BAG2: variants seen among roughly 807,000 people sequenced by gnomAD.
The protein encoded by BAG2 is BAG cochaperone 2.
Under a neutral mutation model 16.4 loss-of-function variants are expected in BAG2, and 8 were observed. The observed-to-expected ratio is 0.49, with a 90% CI of 0.29 to 0.88. The LOEUF (loss-of-function observed/expected upper bound fraction) is 0.88. Among genes scored for constraint, BAG2 ranks in the 40% least tolerant of loss-of-function variants. The pLI, the probability that BAG2 is intolerant of heterozygous loss-of-function variation, is 0.09. For synonymous variants in BAG2, 82 were observed against 89.2 expected (o/e 0.92, Z 0.46); for missense variants, 218 against 248.9 (o/e 0.88, Z 0.84).
chr6:57,180,910 C>G (rs1302457859), intron 1 of BAG2, among the ~76,000 whole-genome samples: 2 of 152,010 alleles, frequency 1.3e-5, no homozygotes, highest in Admixed American at 1.3e-4. Flanking sequence ...TACAAATCAA[C>G]AAGGGAACAG....
intron 1 of BAG2, among the ~76,000 whole-genome samples, chr6:57,179,454 G>T (rs946658510): frequency 6.6e-6 from 1 of 152,138 alleles, no homozygotes; most frequent in African/African-American, 2.4e-5. Context: ...GTGGGTAACC[G>T]AAGGGGAAAA....
In BAG2 at chr6:57,188,362, T is replaced by A. The variant is rs1280454794; in HGVS notation, c.*4172T>A. The A allele has an allele frequency of 6.6e-6, 1 of 152,066 alleles. No homozygotes were observed. The highest frequency in any genetic ancestry group is 1.5e-5 in the Non-Finnish European group (1 of 67,970). The allele number at this position is 152,066 out of a possible 1,614,324, so 9.4% of individuals were successfully genotyped here. ...CAAAGCTCTCTCTTCAGTTCTTATT[T>A]AAAAAAAGATAAAACTAGGTACATA... On this transcript the variant is annotated 3_prime_UTR_variant, in exon 3 of 3. Coordinates refer to ENST00000370693, the MANE Select transcript of BAG2 (RefSeq NM_004282.4).
Position 57,172,583 on chromosome 6 carries a change from A to C in BAG2, c.-115A>C. 7 of 814,916 alleles carry C rather than the reference A, an allele frequency of 8.6e-6. No homozygotes were observed. The highest frequency in any genetic ancestry group is 1.2e-5 in the Non-Finnish European group (7 of 574,304). The allele number at this position is 814,916 out of a possible 1,614,324, so 50.5% of individuals were successfully genotyped here. On this transcript the variant is annotated 5_prime_UTR_variant, in exon 1 of 3. Coordinates refer to ENST00000370693, the MANE Select transcript of BAG2 (RefSeq NM_004282.4). ...CTCCCGGGTTGCCCCCGCGGGCGTC[A>C]GAGGGAGGGCGGGCGCCCGCGTGGT...
intron 2 of BAG2, among the ~76,000 whole-genome samples, chr6:57,182,530 C>CAAAAAAAA (rs758049333): frequency 2.4e-5 from 1 of 41,602 alleles, no homozygotes; most frequent in Admixed American, 2.6e-4. Context: ...AAGTAGAGAC[C>CAAAAAAAA]AAAAAAAAAA....
At position 57,174,229 on chromosome 6, in the gene BAG2, C is replaced by G. The variant is rs944291690; in HGVS notation, c.113+1419C>G. ...GAGCCACATAACAAGTAACACACAT[C>G]TCTCCATGTCTTCAGAACGTTGAGG... On this transcript the variant is annotated intron_variant, in intron 1 of 2. Transcript: ENST00000370693. The G allele has an allele frequency of 5.1e-5, 59 of 1,164,992 alleles. No individual in the cohort carries two copies. The African/African-American group carries it at 7.9e-4, about 16-fold the overall frequency. The allele number at this position is 1,164,992 out of a possible 1,614,324, so 72.2% of individuals were successfully genotyped here.
intron 1 of BAG2, chr6:57,173,494 T>G: frequency 4.1e-6 from 4 of 984,996 alleles, no homozygotes; most frequent in Non-Finnish European, 4.8e-6. Flanking sequence ...CATAGAAGAC[T>G]AAGTGCTAGT....
chr6:57,174,135 A>G, intron 1 of BAG2: 1 of 980,074 alleles, frequency 1.0e-6, no homozygotes. Flanking sequence ...CAGAAAAAGT[A>G]GAGCGAAAGT....
intron 1 of BAG2, among the ~76,000 whole-genome samples, chr6:57,177,420 AAAAC>A (rs1416187013): frequency 6.6e-6 from 1 of 152,178 alleles, no homozygotes; most frequent in African/African-American, 2.4e-5. Flanking sequence ...CATCTCAAAA[AAAAC>A]AAACCTGTTT....
rs554673220 is a variant in BAG2, at chr6:57,189,142, T to C, written c.*4952T>C. ...AATTATCTTAGCTGGAAAGCTACTGTCCCAAGTGACAAAATTTATGTCCTG... is the reference window on the plus strand; with the variant it reads ...AATTATCTTAGCTGGAAAGCTACTGCCCCAAGTGACAAAATTTATGTCCTG... On this transcript the variant is annotated 3_prime_UTR_variant, in exon 3 of 3. Coordinates refer to ENST00000370693, the MANE Select transcript of BAG2 (RefSeq NM_004282.4). The C allele has an allele frequency of 5.3e-5, 8 of 152,308 alleles. No homozygotes were observed. In the East Asian group the frequency reaches 1.5e-3, roughly 29 times the overall value. The allele number at this position is 152,308 out of a possible 1,614,324, so 9.4% of individuals were successfully genotyped here. A position where few individuals can be genotyped will look rare whatever the true frequency, so the allele number is the denominator to read the frequency against.
At chr6:57,176,433 T>C (rs927486268) in intron 1 of BAG2, among the ~76,000 whole-genome samples, 2 of 152,198 alleles carry the variant, frequency 1.3e-5, no homozygotes, top group African/African-American at 4.8e-5. Flanking sequence ...TCAATCTAAA[T>C]TGGCCTTTAA....
At chr6:57,175,436 T>G (rs1341639160) in intron 1 of BAG2, among the ~76,000 whole-genome samples, 2 of 152,050 alleles carry the variant, frequency 1.3e-5, no homozygotes, top group Non-Finnish European at 2.9e-5. Context: ...CTCTCTGACC[T>G]TCTTTCACCT....
Position 57,172,356 on chromosome 6 carries a change from G to T in BAG2, c.-342G>T, listed in dbSNP as rs983674474. The T allele has an allele frequency of 5.9e-6, 1 of 168,736 alleles. No individual in the cohort carries two copies. Among genetic ancestry groups the T allele is most frequent in the Admixed American group, 6.4e-5 (1 of 15,684 alleles). The allele number at this position is 168,736 out of a possible 1,614,324, so 10.5% of individuals were successfully genotyped here. A position where few individuals can be genotyped will look rare whatever the true frequency, so the allele number is the denominator to read the frequency against. ...ATCCGCTAGCCACATTAGGCGCTCGGTCTCTGCGTCCGCCCCTCCCGTGCC... is the reference window on the plus strand; with the variant it reads ...ATCCGCTAGCCACATTAGGCGCTCGTTCTCTGCGTCCGCCCCTCCCGTGCC... On this transcript the variant is annotated 5_prime_UTR_variant, in exon 1 of 3. Coordinates refer to ENST00000370693, the MANE Select transcript of BAG2 (RefSeq NM_004282.4).
chr6:57,184,241 A>G lies in BAG2; in HGVS notation c.*51A>G. ...AATACACAAGGTGTAAAAATGATAAAATACTATTTTAATTGATAACTAGTT... is the reference window on the plus strand; with the variant it reads ...AATACACAAGGTGTAAAAATGATAAGATACTATTTTAATTGATAACTAGTT... On this transcript the variant is annotated 3_prime_UTR_variant, in exon 3 of 3. Coordinates refer to ENST00000370693, the MANE Select transcript of BAG2 (RefSeq NM_004282.4). The G allele has an allele frequency of 1.4e-6, 2 of 1,413,292 alleles. No individual in the cohort carries two copies. Among genetic ancestry groups the G allele is most frequent in the Non-Finnish European group, 1.9e-6 (2 of 1,080,614 alleles). 87.5% of individuals were successfully genotyped at this position (1,413,292 alleles called of 1,614,324 possible).
chr6:57,187,289 TCATC>T lies in BAG2; in HGVS notation c.*3102_*3105del, dbSNP rs1179984936. 2.0e-5 allele frequency: 3 copies of T among 152,206 alleles called. No individual in the cohort carries two copies. Among genetic ancestry groups the T allele is most frequent in the Non-Finnish European group, 4.4e-5 (3 of 68,028 alleles). The allele number at this position is 152,206 out of a possible 1,614,324, so 9.4% of individuals were successfully genotyped here. ...AATAATAAAGATTATTATAGCCAAA[TCATC>T]CAGTTAGCCAGGAGTTTGATGACTG... On this transcript the variant is annotated 3_prime_UTR_variant, in exon 3 of 3. Transcript: ENST00000370693.
In BAG2 at chr6:57,185,456, A is replaced by G. The variant is rs1764594282; in HGVS notation, c.*1266A>G. The stretch of plus-strand genomic sequence containing the variant: ...TTCTTCACACTGAAAAACCAAATCA[A>G]GATCCAAACTGACTTTATGTATGTA... On this transcript the variant is annotated 3_prime_UTR_variant, in exon 3 of 3. Coordinates refer to ENST00000370693, the MANE Select transcript of BAG2 (RefSeq NM_004282.4). The G allele has an allele frequency of 6.6e-6, 1 of 152,224 alleles. No homozygotes were observed. The highest frequency in any genetic ancestry group is 1.5e-5 in the Non-Finnish European group (1 of 68,034). The allele number at this position is 152,224 out of a possible 1,614,324, so 9.4% of individuals were successfully genotyped here.
chr6:57,186,102 GGTTTTTTGTTTTTTT>G lies in BAG2; in HGVS notation c.*1925_*1939del, dbSNP rs1175838466. 1 of 152,314 alleles carries G rather than the reference GGTTTTTTGTTTTTTT, an allele frequency of 6.6e-6. No homozygotes were observed. Among genetic ancestry groups the G allele is most frequent in the Non-Finnish European group, 1.5e-5 (1 of 68,340 alleles). 9.4% of individuals were successfully genotyped at this position (152,314 alleles called of 1,614,324 possible). A position where few individuals can be genotyped will look rare whatever the true frequency, so the allele number is the denominator to read the frequency against. On this transcript the variant is annotated 3_prime_UTR_variant, in exon 3 of 3. Coordinates refer to ENST00000370693, the MANE Select transcript of BAG2 (RefSeq NM_004282.4). ...CTAAAGGGCAGGGAATCTCCAGTGT[GGTTTTTTGTTTTTTT>G]GTTTTTTGTTTTGGAGTCTTGCTCT...
intron 1 of BAG2, among the ~76,000 whole-genome samples, chr6:57,180,700 A>G (rs1163759943): frequency 6.6e-6 from 1 of 152,100 alleles, no homozygotes; most frequent in Non-Finnish European, 1.5e-5. Flanking sequence ...AAGAGAAAAT[A>G]TAGGAAAATA....
chr6:57,182,125 G>A lies in BAG2; in HGVS notation c.207G>A (p.Met69Ile). ...ACAGTATCCAAAATAGCCAGGACAT[G>A]AGGCAGATCAGTGACGGTGAGAGCC... Reference protein sequence around the residue: ...MIHSIQNSQDMRQISDGEREE... With the variant: ...MIHSIQNSQDIRQISDGEREE... Residue 69 changes from methionine (M) to isoleucine (I), a missense_variant, in exon 2 of 3, where the codon ATG becomes ATA. This residue lies in a region of BAG2 where 30 missense variants were observed against 57.8 expected (regional missense o/e 0.52). Transcript: ENST00000370693. The A allele has an allele frequency of 1.2e-6, 2 of 1,614,056 alleles. No individual in the cohort carries two copies. The highest frequency in any genetic ancestry group is 1.7e-6 in the Non-Finnish European group (2 of 1,179,962).
intron 1 of BAG2, 100 bp downstream of exon 1, chr6:57,172,910 G>A: frequency 3.9e-6 from 4 of 1,021,552 alleles, no homozygotes; most frequent in Non-Finnish European, 5.4e-6. Flanking sequence ...CGGGGCCTGG[G>A]GCACAGTGAG....
Sources: gnomAD v4.1 joint callset for allele counts (sites outside exome capture counted in the v4.1 genomes callset) on GRCh38, gnomAD v4.1.1 for gene constraint, gnomAD v4.1.1 regional missense constraint, MANE v1.5 for transcripts, NCBI Gene and HGNC (gene_info 2026-07-23, HGNC 2026-07-21) for gene names.